The following NPAS3 variants were observed in gnomAD, a reference collection of about 807,000 sequenced individuals.
NPAS3 encodes the protein neuronal PAS domain-containing protein 3.
In NPAS3, 14 loss-of-function variants were observed where a neutral mutation model predicts 73.1. That is an observed-to-expected ratio of 0.19 (90% confidence interval 0.13 to 0.30). NPAS3 has a LOEUF of 0.30. Among genes scored for constraint, NPAS3 ranks in the 10% least tolerant of loss-of-function variants. The pLI is 1.00. For synonymous variants in NPAS3, 620 were observed against 541.5 expected (o/e 1.14, Z -2.01); for missense variants, 1,096 against 1,250.0 (o/e 0.88, Z 1.86).
chr14:33,056,240 C>T (rs1004722841), intron 2 of NPAS3, among the ~76,000 whole-genome samples: 19 of 151,848 alleles, frequency 1.3e-4, no homozygotes, highest in Admixed American at 2.0e-4. Flanking sequence ...TTTTTTTTAA[C>T]GACTGTATTA....
At chr14:33,159,496 G>A (rs763333018) in intron 2 of NPAS3, among the ~76,000 whole-genome samples, 23 of 149,978 alleles carry the variant, frequency 1.5e-4, no homozygotes, top group South Asian at 4.2e-4. Context: ...TTATATTGTC[G>A]CCCACATGTG....
At chr14:33,678,955 C>A (rs960197619) in intron 6 of NPAS3, among the ~76,000 whole-genome samples, 2 of 152,184 alleles carry the variant, frequency 1.3e-5, no homozygotes, top group Admixed American at 6.5e-5. Flanking sequence ...TACTTCTAGA[C>A]TGTAGGAGAA....
At position 33,302,723 on chromosome 14, in the gene NPAS3, C is replaced by G. The variant is rs114743599; in HGVS notation, c.386-64463C>G. On this transcript the variant is annotated intron_variant, in intron 3 of 11. Coordinates refer to ENST00000356141, the Ensembl canonical transcript of NPAS3. ...TACATAACTCCTACTAGTGGTAGTT[C>G]TGGAGGATGTTAGTTCCTACACAGT... Among the ~76,000 whole-genome samples, 370 of 152,246 alleles carry G rather than the reference C, an allele frequency of 2.4e-3. 2 individuals carry two copies. The highest frequency in any genetic ancestry group is 8.7e-3 in the African/African-American group (360 of 41,554).
At chr14:33,475,464 T>G (rs1027484741) in intron 4 of NPAS3, among the ~76,000 whole-genome samples, 2 of 151,410 alleles carry the variant, frequency 1.3e-5, no homozygotes, top group Admixed American at 6.6e-5. Flanking sequence ...GCTCACTGTG[T>G]GCAAAGCATA....
At chr14:33,394,639 A>G (rs1007580056) in intron 4 of NPAS3, among the ~76,000 whole-genome samples, 12 of 152,278 alleles carry the variant, frequency 7.9e-5, no homozygotes, top group African/African-American at 2.6e-4. Flanking sequence ...CAGGATCTAC[A>G]TGTATCATTT....
chr14:33,257,219 G>A (rs2048811422), intron 3 of NPAS3, among the ~76,000 whole-genome samples: 1 of 152,130 alleles, frequency 6.6e-6, no homozygotes, highest in African/African-American at 2.4e-5. Context: ...GAATGCCATT[G>A]GCTTCCTGCT....
chr14:33,691,117 TCAGA>T (rs1303060410), intron 6 of NPAS3, among the ~76,000 whole-genome samples: 1 of 152,214 alleles, frequency 6.6e-6, no homozygotes, highest in Non-Finnish European at 1.5e-5. Context: ...ACATAAACAA[TCAGA>T]CAGTTGTCAA....
intron 4 of NPAS3, among the ~76,000 whole-genome samples, chr14:33,499,461 T>C (rs2052405116): frequency 6.6e-6 from 1 of 151,934 alleles, no homozygotes; most frequent in African/African-American, 2.4e-5. Context: ...TTAGAAATGA[T>C]ATCTTGGCAA....
At chr14:33,616,257 C>T (rs997316594) in intron 5 of NPAS3, among the ~76,000 whole-genome samples, 39 of 152,308 alleles carry the variant, frequency 2.6e-4, no homozygotes, top group Non-Finnish European at 3.5e-4. Flanking sequence ...ACCAAGCCCT[C>T]ACAGACGAAG....
intron 4 of NPAS3, among the ~76,000 whole-genome samples, chr14:33,393,878 C>T (rs906864032): frequency 6.6e-6 from 1 of 152,114 alleles, no homozygotes; most frequent in Admixed American, 6.6e-5. Context: ...TGAATCTTTG[C>T]GACTATAGTC....
At chr14:33,164,805 C>A (rs529207735) in intron 2 of NPAS3, among the ~76,000 whole-genome samples, 6 of 151,912 alleles carry the variant, frequency 3.9e-5, no homozygotes, top group African/African-American at 1.2e-4. Flanking sequence ...ACTCTCAGAA[C>A]CCCATTGCTT....
intron 2 of NPAS3, among the ~76,000 whole-genome samples, chr14:33,176,921 G>A (rs1255318089): frequency 2.0e-5 from 3 of 151,842 alleles, no homozygotes; most frequent in Non-Finnish European, 4.4e-5. Context: ...CCATCCTAAT[G>A]GGTGTGAAGT....
intron 7 of NPAS3, among the ~76,000 whole-genome samples, chr14:33,771,132 G>T (rs151102937): frequency 6.6e-6 from 1 of 152,118 alleles, no homozygotes; most frequent in Non-Finnish European, 1.5e-5. Context: ...AAAATTCAGC[G>T]ATCTACATGT....
At chr14:33,496,852 C>T (rs1055618256) in intron 4 of NPAS3, among the ~76,000 whole-genome samples, 1 of 152,072 alleles carries the variant, frequency 6.6e-6, no homozygotes, top group Admixed American at 6.6e-5. Flanking sequence ...CTGGCCAGGG[C>T]AGTCAGGCAA....
intron 2 of NPAS3, among the ~76,000 whole-genome samples, chr14:33,191,085 C>A (rs1299870474): frequency 6.6e-6 from 1 of 152,096 alleles, no homozygotes; most frequent in Non-Finnish European, 1.5e-5. Context: ...GCAAGTGACC[C>A]TTTTCAGAGA....
intron 3 of NPAS3, among the ~76,000 whole-genome samples, chr14:33,244,502 G>A (rs921484357): frequency 2.3e-5 from 3 of 132,492 alleles, no homozygotes; most frequent in Non-Finnish European, 5.0e-5. Flanking sequence ...TCTTATGGAT[G>A]TAATGTAAGT....
At chr14:33,209,169 A>T (rs1308112492) in intron 2 of NPAS3, among the ~76,000 whole-genome samples, 1 of 152,104 alleles carries the variant, frequency 6.6e-6, no homozygotes, top group Non-Finnish European at 1.5e-5. Context: ...AACTACTTCA[A>T]TTTGTGATCT....
chr14:33,678,553 G>A (rs571039138), intron 6 of NPAS3, among the ~76,000 whole-genome samples: 1 of 152,154 alleles, frequency 6.6e-6, no homozygotes, highest in Non-Finnish European at 1.5e-5. Context: ...TAAAAATACA[G>A]TGAAGAGAAT....
chr14:32,945,594 C>T (rs547498098), intron 1 of NPAS3, among the ~76,000 whole-genome samples: 4 of 152,200 alleles, frequency 2.6e-5, no homozygotes, highest in East Asian at 3.9e-4. Context: ...AGAAATGTAC[C>T]TTAACACCAG....
Sources: allele counts gnomAD v4.1 joint callset (sites outside exome capture counted in the v4.1 genomes callset), GRCh38; gene constraint gnomAD v4.1.1; transcripts MANE v1.5; gene names NCBI Gene and HGNC (gene_info 2026-07-23, HGNC 2026-07-21).